The following TSPAN33 variants were observed in gnomAD, a reference collection of about 807,000 sequenced individuals.
TSPAN33 encodes tetraspanin 33, also known as tetraspanin-33.
In TSPAN33, 27 loss-of-function variants were observed where a neutral mutation model predicts 34.8. The observed-to-expected ratio is 0.78, with a 90% CI of 0.57 to 1.07. TSPAN33 has a LOEUF of 1.07. Among genes scored for constraint, TSPAN33 ranks in the 50% least tolerant of loss-of-function variants. TSPAN33 has a pLI of 0.00. For missense variants in TSPAN33, 272 were observed against 324.9 expected (o/e 0.84, Z 1.25); for synonymous variants, 119 against 124.2 (o/e 0.96, Z 0.28).
At chr7:129,146,774 C>T (rs889815203) in intron 1 of TSPAN33, among the ~76,000 whole-genome samples, 1 of 152,150 alleles carries the variant, frequency 6.6e-6, no homozygotes, top group Non-Finnish European at 1.5e-5. Flanking sequence ...AGGCCAGTGA[C>T]GTGACATCCT....
At position 129,144,769 on chromosome 7, in the gene TSPAN33, C is replaced by T. The variant is rs1313695972; in HGVS notation, c.-212C>T. On this transcript the variant is annotated 5_prime_UTR_variant, in exon 1 of 8. Transcript: ENST00000486685. ...GGGTGAGTCTCGTCCGCTCGCGCTG[C>T]CCACCGCGGCTCCAGCAGCTCCAGG... The T allele has an allele frequency of 6.7e-6, 1 of 149,242 alleles. No homozygotes were observed. Among genetic ancestry groups the T allele is most frequent in the Non-Finnish European group, 1.5e-5 (1 of 67,008 alleles). 9.2% of individuals were successfully genotyped at this position (149,242 alleles called of 1,614,324 possible).
chr7:129,153,998 C>T (rs1431479277), intron 1 of TSPAN33, among the ~76,000 whole-genome samples: 2 of 152,052 alleles, frequency 1.3e-5, no homozygotes, highest in Admixed American at 6.6e-5. Context: ...CAACAGAGCA[C>T]TGTGACTTCC....
chr7:129,149,341 T>C (rs1214560537), intron 1 of TSPAN33, among the ~76,000 whole-genome samples: 1 of 152,132 alleles, frequency 6.6e-6, no homozygotes, highest in Non-Finnish European at 1.5e-5. Flanking sequence ...GTGGATCACC[T>C]GAGGTAAGGA....
In TSPAN33 at chr7:129,161,778, G is replaced by A. The variant is rs915144110; in HGVS notation, c.160+42G>A. ...CCTCCCTGCCCCCACCTTGTGCCAT[G>A]CCCCTTTCCCCTCTGCCTCCTTCAG... On this transcript the variant is annotated intron_variant, in intron 2 of 7. Transcript: ENST00000486685. 3.7e-6 allele frequency: 6 copies of A among 1,612,590 alleles called. No homozygotes were observed. The Admixed American group carries it at 6.7e-5, about 18-fold the overall frequency.
intron 1 of TSPAN33, 79 bp from the exon 2 acceptor site, chr7:129,161,600 C>A: frequency 5.0e-6 from 7 of 1,401,786 alleles, no homozygotes; most frequent in Non-Finnish European, 7.1e-6. Flanking sequence ...CCTTCTCCTG[C>A]TCTCCTAGGT....
intron 4 of TSPAN33, 131 bp downstream of exon 4, chr7:129,163,038 T>C (rs946478043): frequency 1.2e-6 from 1 of 810,260 alleles, no homozygotes; most frequent in South Asian, 1.6e-5. Flanking sequence ...GAAAAGTTCA[T>C]TAGGGGTGAA....
At chr7:129,159,763 G>A (rs778633370) in intron 1 of TSPAN33, among the ~76,000 whole-genome samples, 1 of 152,190 alleles carries the variant, frequency 6.6e-6, no homozygotes, top group Non-Finnish European at 1.5e-5. Context: ...GGGACAAGGC[G>A]CCAGCTGGCA....
At chr7:129,159,592 T>C (rs762925579) in intron 1 of TSPAN33, among the ~76,000 whole-genome samples, 3 of 152,174 alleles carry the variant, frequency 2.0e-5, no homozygotes, top group Non-Finnish European at 2.9e-5. Flanking sequence ...TTCAGTAAAA[T>C]GACACTCAGA....
chr7:129,168,140 G>C lies in TSPAN33; in HGVS notation c.*266G>C. The C allele has an allele frequency of 3.7e-6, 2 of 546,436 alleles. No homozygotes were observed. Among genetic ancestry groups the C allele is most frequent in the Non-Finnish European group, 5.8e-6 (2 of 344,610 alleles). The allele number at this position is 546,436 out of a possible 1,614,324, so 33.8% of individuals were successfully genotyped here. A position where few individuals can be genotyped will look rare whatever the true frequency, so the allele number is the denominator to read the frequency against. On this transcript the variant is annotated 3_prime_UTR_variant, in exon 8 of 8. Coordinates refer to ENST00000486685, the MANE Select transcript of TSPAN33 (RefSeq NM_178562.5). ...TGTTTGGGTTTATGTTTTCAGTTTT[G>C]TTTGGGAAACAGCAGTTGCACAGAG...
chr7:129,161,016 A>G (rs1252367042), intron 1 of TSPAN33, among the ~76,000 whole-genome samples: 1 of 152,210 alleles, frequency 6.6e-6, no homozygotes, highest in Non-Finnish European at 1.5e-5. Context: ...TGAGGCTCAG[A>G]AATTTGCCCT....
rs751726296 is a variant in TSPAN33, at chr7:129,166,762, G to A, written c.460-16G>A. ...AGGGGTGGGTGATTCTTAACCTCTG[G>A]TGGGTTTTGTTGCAGTTTAGCTGCT... On this transcript the variant is annotated splice_polypyrimidine_tract_variant and intron_variant, in intron 5 of 7. Coordinates refer to ENST00000486685, the MANE Select transcript of TSPAN33 (RefSeq NM_178562.5). The A allele has an allele frequency of 3.1e-6, 5 of 1,613,632 alleles. No individual in the cohort carries two copies. In the South Asian group the frequency reaches 4.4e-5, roughly 14 times the overall value.
chr7:129,167,987 G>A lies in TSPAN33; in HGVS notation c.*113G>A, dbSNP rs1793170472. 6.7e-7 allele frequency: 1 copy of A among 1,487,258 alleles called. No individual in the cohort carries two copies. The allele number at this position is 1,487,258 out of a possible 1,614,324, so 92.1% of individuals were successfully genotyped here. ...TTTGGATTCCAGCCCCCCAGTGACAGCCCAGTGGGAAGAAGCAAACTCCAG... is the reference window on the plus strand; with the variant it reads ...TTTGGATTCCAGCCCCCCAGTGACAACCCAGTGGGAAGAAGCAAACTCCAG... On this transcript the variant is annotated 3_prime_UTR_variant, in exon 8 of 8. Transcript: ENST00000486685. This position sits in a 1 kb window ranked among gnomAD's most constrained non-coding sequence, Gnocchi z 4.6.
chr7:129,151,474 C>T lies in TSPAN33; in HGVS notation c.102+6392C>T, dbSNP rs570861975. On this transcript the variant is annotated intron_variant, in intron 1 of 7. Transcript: ENST00000486685. Reference sequence around the variant, plus strand: ...AGATGGACTCTGGGAGCTAATTTGCCTGTAATTATTGGCATTTGGGCATAA... The same window carrying T: ...AGATGGACTCTGGGAGCTAATTTGCTTGTAATTATTGGCATTTGGGCATAA... Among the ~76,000 whole-genome samples, 6 of 152,118 alleles carry T rather than the reference C, an allele frequency of 3.9e-5. No homozygotes were observed. The East Asian group carries it at 7.7e-4, about 20-fold the overall frequency.
At position 129,162,380 on chromosome 7, in the gene TSPAN33, G is replaced by A. The variant is rs368039892; in HGVS notation, c.161-14G>A. The A allele has an allele frequency of 3.4e-4, 552 of 1,610,682 alleles. No individual in the cohort carries two copies. Among genetic ancestry groups the A allele is most frequent in the Non-Finnish European group, 3.8e-4 (451 of 1,179,968 alleles). ...GGGCACCAGGCTCAGGCTGAGGGCC[G>A]GCTCCTTTTCCAGAAGCAGCCCTAG... On this transcript the variant is annotated splice_polypyrimidine_tract_variant and intron_variant, in intron 2 of 7. Transcript: ENST00000486685.
In TSPAN33 at chr7:129,167,413, T is replaced by C. The variant is rs1284324532; in HGVS notation, c.603T>C (p.Thr201=). The stretch of plus-strand genomic sequence containing the variant: ...TCTTTCCCCAGGCAGTGATCAACAC[T>C]ATGTGTGGCCAAGGTATGCAGGCCT... ...LPTPDQAVIN[T]MCGQGMQAFD... Residue 201 remains threonine, a synonymous_variant, in exon 7 of 8, where the codon ACT becomes ACC. Coordinates refer to ENST00000486685, the MANE Select transcript of TSPAN33 (RefSeq NM_178562.5). This position sits in a 1 kb window ranked among gnomAD's most constrained non-coding sequence, Gnocchi z 4.6. 1.2e-6 allele frequency: 2 copies of C among 1,613,908 alleles called. No homozygotes were observed. Among genetic ancestry groups the C allele is most frequent in the Admixed American group, 3.3e-5 (2 of 60,014 alleles).
chr7:129,164,683 T>C, intron 5 of TSPAN33, 114 bp downstream of exon 5: 2 of 1,001,812 alleles, frequency 2.0e-6, no homozygotes, highest in African/African-American at 3.2e-5. Context: ...TAATGGCTTC[T>C]GGGAAGGGGT....
At position 129,165,544 on chromosome 7, in the gene TSPAN33, A is replaced by G. The variant is rs540484835; in HGVS notation, c.459+975A>G. ...TGTATATGCCACATTTTGTTTATCC[A>G]TTCATTCACCAGTGGAGAAAAGGGT... On this transcript the variant is annotated intron_variant, in intron 5 of 7. Coordinates refer to ENST00000486685, the MANE Select transcript of TSPAN33 (RefSeq NM_178562.5). This position sits in a 1 kb window ranked among gnomAD's most constrained non-coding sequence, Gnocchi z 4.5. Among the ~76,000 whole-genome samples the G allele has an allele frequency of 2.4e-4, 37 of 152,374 alleles. No individual in the cohort carries two copies. Among genetic ancestry groups the G allele is most frequent in the African/African-American group, 8.7e-4 (36 of 41,586 alleles).
chr7:129,162,893 G>A lies in TSPAN33; in HGVS notation c.349G>A (p.Val117Ile), dbSNP rs190570129. 1.2e-4 allele frequency: 193 copies of A among 1,613,712 alleles called. No individual in the cohort carries two copies. The African/African-American group carries it at 1.5e-3, about 13-fold the overall frequency. The change falls in exon 4 of 8, where the codon GTC becomes ATC. Residue 117 changes from valine to isoleucine, a missense_variant. By Grantham distance (29) the Val-to-Ile change is conservative. Coordinates refer to ENST00000486685, the MANE Select transcript of TSPAN33 (RefSeq NM_178562.5). ...LQLAAGILGF[V>I]FSDKARGKVS... is the part of the protein sequence containing the mutation. The stretch of plus-strand genomic sequence containing the variant: ...GCTGGCCGCTGGGATCCTGGGCTTC[G>A]TCTTCTCAGACAAGGTAACACTGGG...
rs376103016 is a variant in TSPAN33, at chr7:129,162,521, G to A, written c.288G>A (p.Thr96=). ...SLRENICLLQ[T]FSLCLTAVFL... is the part of the protein sequence containing the mutation. ...GCGAGAACATCTGCCTCCTGCAGAC[G>A]GTGAGTGGTCAAGGCCCCACTGGAA... The change falls in exon 3 of 8, where the codon ACG becomes ACA. Residue 96 remains threonine (T), a splice_region_variant and synonymous_variant. Transcript: ENST00000486685. 7.4e-6 allele frequency: 12 copies of A among 1,612,310 alleles called. No homozygotes were observed. The highest frequency in any genetic ancestry group is 5.0e-5 in the Admixed American group (3 of 60,034).
Sources: allele counts gnomAD v4.1 joint callset (sites outside exome capture counted in the v4.1 genomes callset), GRCh38; gene constraint gnomAD v4.1.1; non-coding constraint Gnocchi (gnomAD v3.1); transcripts MANE v1.5; gene names NCBI Gene and HGNC (gene_info 2026-07-23, HGNC 2026-07-21).